The following PTPRF variants were observed in gnomAD, a reference collection of about 807,000 sequenced individuals.
The protein encoded by PTPRF is protein tyrosine phosphatase receptor type F.
Under a neutral mutation model 201.8 loss-of-function variants are expected in PTPRF, and 59 were observed. The ratio of observed to expected loss-of-function variants is 0.29; its 90% CI spans 0.24 to 0.36. The LOEUF is 0.36. Among genes scored for constraint, PTPRF ranks in the 10% least tolerant of loss-of-function variants. The pLI, the probability that PTPRF is intolerant of heterozygous loss-of-function variation, is 1.00. For synonymous variants in PTPRF, 1,088 were observed against 1,089.7 expected (o/e 1.00, Z 0.03); for missense variants, 2,132 against 2,690.5 (o/e 0.79, Z 4.59).
intron 11 of PTPRF, among the ~76,000 whole-genome samples, chr1:43,596,500 C>T (rs1416204820): frequency 3.9e-5 from 6 of 152,132 alleles, no homozygotes; most frequent in Non-Finnish European, 5.9e-5. Context: ...CAAGGAGACA[C>T]GTGTCTGCCT....
intron 7 of PTPRF, among the ~76,000 whole-genome samples, chr1:43,586,847 A>G (rs1220912320): frequency 6.6e-6 from 1 of 152,196 alleles, no homozygotes; most frequent in Non-Finnish European, 1.5e-5. Context: ...TCGCTTTTCT[A>G]ATAGTTTCTG....
rs781530130 is a variant in PTPRF, at chr1:43,598,878, C to T, written c.2278C>T (p.Pro760Ser). The part of the protein sequence containing the change: ...RLENGEPRGL[P>S]IIQDVMLAEA... ...GGAGAATGGCGAGCCCCGTGGACTCCCCATCATCCAAGACGTCATGCTAGC... is the reference window on the plus strand; with the variant it reads ...GGAGAATGGCGAGCCCCGTGGACTCTCCATCATCCAAGACGTCATGCTAGC... Residue 760 changes from proline (P) to serine (S), a missense_variant, in exon 13 of 34, where the codon CCC (proline) becomes TCC (serine). By Grantham distance (74) the Pro-to-Ser change is moderately conservative. Around this residue, in one of 6 missense-constraint regions of PTPRF, gnomAD observed 818 missense variants for 915.3 expected, o/e 0.89. Coordinates refer to ENST00000359947, the MANE Select transcript of PTPRF (RefSeq NM_002840.5). 1 of 1,614,114 alleles carries T rather than the reference C, an allele frequency of 6.2e-7. No individual in the cohort carries two copies. The highest frequency in any genetic ancestry group is 8.5e-7 in the Non-Finnish European group (1 of 1,180,002).
intron 21 of PTPRF, 89 bp from the exon 22 acceptor site, chr1:43,609,294 A>G (rs778541585): frequency 6.1e-5 from 63 of 1,037,396 alleles, no homozygotes; most frequent in African/African-American, 4.2e-4. Context: ...AGCCGTGGAC[A>G]TGGGGGCTCC....
In PTPRF at chr1:43,588,901, G is replaced by C; in HGVS notation, c.850G>C (p.Val284Leu). ...GGATGAGATGCCAGTTGGCCGCAAC[G>C]TCCTGGAGCTCAGCAATGTCGTACG... is the stretch of plus-strand genomic sequence containing the variant. Reference protein sequence around the residue: ...KEDEMPVGRNVLELSNVVRSA... With the variant: ...KEDEMPVGRNLLELSNVVRSA... Residue 284 changes from valine (V) to leucine (L), a missense_variant, in exon 8 of 34, where the codon GTC becomes CTC. Transcript: ENST00000359947. This position sits in a 1 kb window ranked among gnomAD's most constrained non-coding sequence, Gnocchi z 5.3. 6.2e-7 allele frequency: 1 copy of C among 1,613,588 alleles called. No individual in the cohort carries two copies.
chr1:43,589,516 G>A (rs1185154017), intron 8 of PTPRF, among the ~76,000 whole-genome samples: 1 of 151,936 alleles, frequency 6.6e-6, no homozygotes, highest in Admixed American at 6.6e-5. Flanking sequence ...TCTCTGCCCT[G>A]ATACCTGGGG....
intron 7 of PTPRF, among the ~76,000 whole-genome samples, chr1:43,587,690 C>T (rs369727696): frequency 1.6e-4 from 24 of 152,314 alleles, no homozygotes; most frequent in African/African-American, 5.5e-4. Flanking sequence ...TAGCCTGCTG[C>T]CTGCCGCCTT....
At chr1:43,607,321 C>T (rs1003807443) in intron 21 of PTPRF, among the ~76,000 whole-genome samples, 7 of 152,354 alleles carry the variant, frequency 4.6e-5, no homozygotes, top group South Asian at 4.1e-4. Context: ...GCTCCTACCT[C>T]GAGTCCTTTC....
At chr1:43,608,139 C>A (rs964130181) in intron 21 of PTPRF, among the ~76,000 whole-genome samples, 4 of 152,230 alleles carry the variant, frequency 2.6e-5, no homozygotes, top group African/African-American at 9.6e-5. Context: ...CCCACAGATG[C>A]ACTCATCCTT....
chr1:43,592,620 C>A lies in PTPRF; in HGVS notation c.1813+19C>A. ...CAGTCCAGTAAGTGTCTCCCAAGTCCGCTGCCTGTTACACCTGGGCTGGGA... is the reference window on the plus strand; with the variant it reads ...CAGTCCAGTAAGTGTCTCCCAAGTCAGCTGCCTGTTACACCTGGGCTGGGA... On this transcript the variant is annotated intron_variant, in intron 11 of 33. Transcript: ENST00000359947. The A allele has an allele frequency of 6.4e-7, 1 of 1,563,822 alleles. No individual in the cohort carries two copies. Among genetic ancestry groups the A allele is most frequent in the Non-Finnish European group, 8.7e-7 (1 of 1,154,274 alleles).
At chr1:43,526,440 T>G (rs74071929), upstream of PTPRF, among the ~76,000 whole-genome samples, 1 of 141,528 alleles carries the variant, frequency 7.1e-6, no homozygotes, top group African/African-American at 2.5e-5. Context: ...ACAAAAAAAA[T>G]TTTTTTTTTT....
In PTPRF at chr1:43,578,940, C is replaced by T. The variant is rs566964676; in HGVS notation, c.679+20C>T. 6.2e-7 allele frequency: 1 copy of T among 1,609,874 alleles called. No homozygotes were observed. The highest frequency in any genetic ancestry group is 1.1e-5 in the South Asian group (1 of 90,974). ...TGCGAGGTAAGGACTCAGGCAGTGC[C>T]TGGCCCCTGTCACCACAGAGCTGTG... On this transcript the variant is annotated intron_variant, in intron 7 of 33. Transcript: ENST00000359947.
chr1:43,533,757 C>G (rs1298441583), intron 1 of PTPRF, among the ~76,000 whole-genome samples: 1 of 152,212 alleles, frequency 6.6e-6, no homozygotes, highest in Non-Finnish European at 1.5e-5. Flanking sequence ...AGCTTGCAGT[C>G]AGGGCCCTAC....
intron 16 of PTPRF, 42 bp from the exon 17 acceptor site, chr1:43,604,861 C>G (rs751343378): frequency 6.4e-7 from 1 of 1,564,830 alleles, no homozygotes; most frequent in Non-Finnish European, 8.8e-7. Flanking sequence ...TTCACCCCAC[C>G]TCATATACCC....
rs139472475 is a variant in PTPRF, at chr1:43,619,341, G to A, written c.4700G>A (p.Arg1567Gln). 6.8e-6 allele frequency: 11 copies of A among 1,613,926 alleles called. No homozygotes were observed. The highest frequency in any genetic ancestry group is 4.5e-5 in the East Asian group (2 of 44,880). ...CFIVIDAMLE[R>Q]MKHEKTVDIY... Reference sequence around the variant, plus strand: ...ATCGTGATTGATGCCATGTTGGAGCGGATGAAGCACGAGAAGACGGTGGAC... The same window carrying A: ...ATCGTGATTGATGCCATGTTGGAGCAGATGAAGCACGAGAAGACGGTGGAC... Residue 1567 changes from arginine to glutamine, a missense_variant, in exon 28 of 34, where the codon CGG (arginine) becomes CAG (glutamine). By Grantham distance (43) the Arg-to-Gln change is conservative (BLOSUM62 1). Coordinates refer to ENST00000359947, the MANE Select transcript of PTPRF (RefSeq NM_002840.5).
intron 13 of PTPRF, among the ~76,000 whole-genome samples, chr1:43,600,944 G>A (rs1653603126): frequency 6.6e-6 from 1 of 152,198 alleles, no homozygotes; most frequent in African/African-American, 2.4e-5. Flanking sequence ...TCCACGCCAA[G>A]GCTTGGTTGG....
In PTPRF at chr1:43,542,782, G is replaced by A. The variant is rs1469723136; in HGVS notation, c.-45-2249G>A. ...ACACCATTACACCTCCATGATGTCT[G>A]CACCTGGGCGTTATACTGCTATGAT... is the stretch of plus-strand genomic sequence containing the variant. On this transcript the variant is annotated intron_variant, in intron 2 of 33. Coordinates refer to ENST00000359947, the MANE Select transcript of PTPRF (RefSeq NM_002840.5). The surrounding 1 kb of genome is among the most constrained non-coding windows in gnomAD (Gnocchi z 5.2). 6.6e-6 allele frequency among the ~76,000 whole-genome samples: 1 copy of A among 152,148 alleles called. No homozygotes were observed. The highest frequency in any genetic ancestry group is 1.9e-4 in the East Asian group (1 of 5,200).
chr1:43,568,855 CT>C (rs2153986572), intron 5 of PTPRF, among the ~76,000 whole-genome samples: 2 of 152,334 alleles, frequency 1.3e-5, no homozygotes, highest in Non-Finnish European at 2.9e-5. Flanking sequence ...TTTTCTCCCC[CT>C]ACCAACTTTT....
chr1:43,560,369 A>G (rs11210869), intron 5 of PTPRF, among the ~76,000 whole-genome samples: 41,339 of 151,156 alleles, frequency 0.27, 6,594 homozygotes, highest in Non-Finnish European at 0.37. Flanking sequence ...TGCAGCACAT[A>G]GTGTATGTGT....
chr1:43,595,673 A>C (rs371391598), intron 11 of PTPRF, among the ~76,000 whole-genome samples: 3 of 152,302 alleles, frequency 2.0e-5, no homozygotes, highest in Admixed American at 2.0e-4. Flanking sequence ...GAGAGAGCTT[A>C]GCCTTGGACA....
Sources: gnomAD v4.1 joint callset for allele counts (sites outside exome capture counted in the v4.1 genomes callset) on GRCh38, gnomAD v4.1.1 for gene constraint, gnomAD v4.1.1 regional missense constraint, Gnocchi (gnomAD v3.1) non-coding constraint, MANE v1.5 for transcripts, NCBI Gene and HGNC (gene_info 2026-07-23, HGNC 2026-07-21) for gene names.